The following IMPG1 variants were observed in gnomAD, a reference collection of about 807,000 sequenced individuals.
IMPG1 encodes the protein interphotoreceptor matrix proteoglycan 1.
In IMPG1, 85 loss-of-function variants were observed where a neutral mutation model predicts 92.0. The observed-to-expected ratio is 0.92, with a 90% confidence interval of 0.78 to 1.11. IMPG1 has a LOEUF of 1.11. Ranked by LOEUF, IMPG1 falls within the 50% of genes least tolerant of loss-of-function variation. The probability of loss-of-function intolerance (pLI) is 0.00; values close to 1 mark genes in which losing one functional copy is unlikely to be tolerated. For synonymous variants in IMPG1, 367 were observed against 334.1 expected, an observed-to-expected ratio of 1.10 and a Z score of -1.08; for missense variants, 1,022 against 956.0, an observed-to-expected ratio of 1.07 and a Z score of -0.91.
chr6:76,004,220 T>G (rs1488165348), intron 10 of IMPG1, among the ~76,000 whole-genome samples: 1 of 152,182 alleles, frequency 6.6e-6, no homozygotes, highest in African/African-American at 2.4e-5. Flanking sequence ...TCTATAGATT[T>G]GGACCAAGCA....
rs1033080333 is a variant in IMPG1 at position 75,921,335 on chromosome 6, G to A, written c.*754C>T. The A allele has an allele frequency of 1.3e-5, 2 of 152,194 alleles. No individual in the cohort carries two copies. Among genetic ancestry groups the A allele is most frequent in the Non-Finnish European group, 2.9e-5 (2 of 68,032 alleles). 9.4% of individuals were successfully genotyped at this position (152,194 alleles called of 1,614,324 possible). A position where few individuals can be genotyped will look rare whatever the true frequency, so the allele number is the denominator to read the frequency against. On this transcript the variant is annotated 3_prime_UTR_variant, in exon 17 of 17. Transcript: ENST00000369950. ...AGGAAGACATTGTTCATCTGTGGTG[G>A]AAGACAGGAATTGATTATGTCATAT...
intron 14 of IMPG1, among the ~76,000 whole-genome samples, chr6:75,946,844 C>A (rs528877448): frequency 5.3e-5 from 8 of 151,984 alleles, no homozygotes; most frequent in African/African-American, 1.9e-4. Flanking sequence ...TTTTTCTTTC[C>A]TTAGAATGCT....
chr6:75,944,302 C>T lies in IMPG1; in HGVS notation c.2044+3012G>A, dbSNP rs78974435. Among the ~76,000 whole-genome samples the T allele has an allele frequency of 0.012, 1,813 of 152,262 alleles. 71 individuals are homozygous for T. In the East Asian group the frequency reaches 0.14, roughly 12 times the overall value. On this transcript the variant is annotated intron_variant, in intron 14 of 16. Transcript: ENST00000369950. ...TGACTGGAAGGAAAACCTTTGAGGGCGGTTTAGCACAGTGGCTTCTAGCTA... is the reference window on the plus strand; with the variant it reads ...TGACTGGAAGGAAAACCTTTGAGGGTGGTTTAGCACAGTGGCTTCTAGCTA...
intron 14 of IMPG1, among the ~76,000 whole-genome samples, chr6:75,932,299 T>C (rs1781680010): frequency 6.6e-6 from 1 of 152,242 alleles, no homozygotes; most frequent in Non-Finnish European, 1.5e-5. Context: ...TCTTTGCTAA[T>C]ACGGCAGGTG....
At chr6:76,028,959 G>A (rs760648052) in intron 4 of IMPG1, among the ~76,000 whole-genome samples, 19 of 152,234 alleles carry the variant, frequency 1.2e-4, no homozygotes, top group Non-Finnish European at 1.2e-4. Context: ...GTTTGCATCA[G>A]TGCAATAAGA....
At chr6:75,992,165 G>C (rs894629885) in intron 12 of IMPG1, among the ~76,000 whole-genome samples, 2 of 152,188 alleles carry the variant, frequency 1.3e-5, no homozygotes, top group African/African-American at 4.8e-5. Flanking sequence ...TCGGACCATC[G>C]ACTGCAACAA....
At chr6:75,993,236 C>T (rs1390805048) in intron 12 of IMPG1, among the ~76,000 whole-genome samples, 1 of 152,148 alleles carries the variant, frequency 6.6e-6, no homozygotes, top group African/African-American at 2.4e-5. Flanking sequence ...GGAAACATCA[C>T]AGACATATGT....
chr6:76,055,265 A>C (rs1490109045), intron 1 of IMPG1, among the ~76,000 whole-genome samples: 1 of 152,092 alleles, frequency 6.6e-6, no homozygotes, highest in Non-Finnish European at 1.5e-5. Flanking sequence ...GTGAAAAACA[A>C]ATGGAAAATC....
intron 14 of IMPG1, among the ~76,000 whole-genome samples, chr6:75,937,520 AC>A (rs1781766599): frequency 6.6e-6 from 1 of 152,204 alleles, no homozygotes. Context: ...TAATAGTTTG[AC>A]CAGCAAAAGA....
chr6:76,050,231 GGAGTTCGA>G (rs1784016385), intron 1 of IMPG1, among the ~76,000 whole-genome samples: 2 of 151,992 alleles, frequency 1.3e-5, no homozygotes, highest in Non-Finnish European at 2.9e-5. Flanking sequence ...CTTAAGGCCG[GGAGTTCGA>G]GACTAGCCTG....
chr6:76,055,210 T>C (rs1784101206), intron 1 of IMPG1, among the ~76,000 whole-genome samples: 6 of 152,066 alleles, frequency 3.9e-5, no homozygotes. Context: ...TGATAACATA[T>C]GCATCATGTT....
intron 12 of IMPG1, among the ~76,000 whole-genome samples, chr6:75,995,376 C>G (rs1433026749): frequency 6.6e-6 from 1 of 152,174 alleles, no homozygotes; most frequent in Non-Finnish European, 1.5e-5. Context: ...TTATAAAGCT[C>G]TATGCTTCTA....
intron 4 of IMPG1, 53 bp from the exon 5 acceptor site, chr6:76,025,311 A>G: frequency 1.1e-6 from 1 of 946,864 alleles, no homozygotes; most frequent in Non-Finnish European, 1.7e-6. Flanking sequence ...ACTTGATGAC[A>G]GTAGAGAACA....
At chr6:75,969,886 TTAA>T (rs1344404900) in intron 12 of IMPG1, among the ~76,000 whole-genome samples, 27 of 152,210 alleles carry the variant, frequency 1.8e-4, no homozygotes, top group African/African-American at 5.5e-4. Context: ...CTTTCTATTA[TTAA>T]TAATAACATT....
chr6:75,993,305 C>T (rs1339447330), intron 12 of IMPG1, among the ~76,000 whole-genome samples: 1 of 152,086 alleles, frequency 6.6e-6, no homozygotes, highest in African/African-American at 2.4e-5. Context: ...TAACAGAATA[C>T]CATAGATCAA....
chr6:76,023,357 T>A (rs1345962023), intron 5 of IMPG1, among the ~76,000 whole-genome samples: 1 of 152,248 alleles, frequency 6.6e-6, no homozygotes, highest in Non-Finnish European at 1.5e-5. Flanking sequence ...AATCGGTTTA[T>A]GCTACAATTT....
chr6:75,995,093 T>C (rs191121615), intron 12 of IMPG1, among the ~76,000 whole-genome samples: 1 of 152,344 alleles, frequency 6.6e-6, no homozygotes, highest in Admixed American at 6.5e-5. Flanking sequence ...CCAGCCTTTC[T>C]TGCTGAATCC....
At chr6:76,035,596 G>T (rs1243800393) in intron 2 of IMPG1, among the ~76,000 whole-genome samples, 1 of 151,674 alleles carries the variant, frequency 6.6e-6, no homozygotes, top group African/African-American at 2.4e-5. Flanking sequence ...TGGAGTGCAG[G>T]TCCCCTGGCT....
intron 7 of IMPG1, 59 bp from the exon 8 acceptor site, chr6:76,011,283 T>A: frequency 2.4e-6 from 2 of 844,512 alleles, no homozygotes; most frequent in Non-Finnish European, 4.0e-6. Flanking sequence ...AGTTCTTGCC[T>A]AACTGAAAAA....
Sources: gnomAD v4.1 joint callset for allele counts (sites outside exome capture counted in the v4.1 genomes callset) on GRCh38, gnomAD v4.1.1 for gene constraint, MANE v1.5 for transcripts, NCBI Gene and HGNC (gene_info 2026-07-23, HGNC 2026-07-21) for gene names.